The following NCKAP5 variants were observed in gnomAD, a reference collection of about 807,000 sequenced individuals.
NCKAP5 encodes the protein NCK associated protein 5.
In NCKAP5, 92 loss-of-function variants were observed where a neutral mutation model predicts 167.0. The ratio of observed to expected loss-of-function variants is 0.55; its 90% CI spans 0.47 to 0.66. NCKAP5 has a LOEUF of 0.66. Among genes scored for constraint, NCKAP5 ranks in the 30% least tolerant of loss-of-function variants. NCKAP5 has a pLI of 0.00. For missense variants in NCKAP5, 2,378 were observed against 2,315.0 expected, an observed-to-expected ratio of 1.03 and a Z score of -0.56; for synonymous variants, 891 against 877.4, an observed-to-expected ratio of 1.02 and a Z score of -0.27.
At chr2:132,911,131 T>C in intron 8 of NCKAP5, 1 of 217,490 alleles carries the variant, frequency 4.6e-6, no homozygotes. Context: ...TCCTTCCACC[T>C]GTCTCATGAT....
chr2:132,998,394 G>A (rs2077671378), intron 6 of NCKAP5, among the ~76,000 whole-genome samples: 1 of 152,088 alleles, frequency 6.6e-6, no homozygotes, highest in African/African-American at 2.4e-5. Context: ...TTAGTAATAT[G>A]GTAAACACTC....
intron 16 of NCKAP5, among the ~76,000 whole-genome samples, chr2:132,771,256 G>A (rs181279258): frequency 7.2e-5 from 11 of 152,024 alleles, no homozygotes; most frequent in East Asian, 1.9e-4. Context: ...CTGACCCTGC[G>A]GAGGCCTAGC....
At chr2:132,881,984 C>T (rs1267603832) in intron 8 of NCKAP5, among the ~76,000 whole-genome samples, 2 of 152,146 alleles carry the variant, frequency 1.3e-5, no homozygotes, top group African/African-American at 4.8e-5. Context: ...TATGAGTTGA[C>T]ATTCTTCCAT....
intron 2 of NCKAP5, among the ~76,000 whole-genome samples, chr2:133,538,931 G>GTTTTTTTTTTT (rs71412735): frequency 9.2e-6 from 1 of 108,586 alleles, no homozygotes. Flanking sequence ...GTTTTTTTGG[G>GTTTTTTTTTTT]TTTTTTTTTT....
intron 15 of NCKAP5, among the ~76,000 whole-genome samples, chr2:132,775,123 C>T (rs1221281820): frequency 6.6e-6 from 1 of 152,174 alleles, no homozygotes; most frequent in Non-Finnish European, 1.5e-5. Flanking sequence ...GGGTGTCCCG[C>T]TTAGGCACGT....
At chr2:132,737,231 C>A (rs1049250835) in intron 16 of NCKAP5, among the ~76,000 whole-genome samples, 2 of 152,206 alleles carry the variant, frequency 1.3e-5, no homozygotes, top group Non-Finnish European at 2.9e-5. Flanking sequence ...GAGCAGTCTA[C>A]AGCAGAATGG....
At chr2:133,127,493 A>G (rs13422925) in intron 6 of NCKAP5, among the ~76,000 whole-genome samples, 9,781 of 152,290 alleles carry the variant, frequency 0.064, 400 homozygotes, top group East Asian at 0.18. Flanking sequence ...TACTTATTGT[A>G]CACATAATTA....
At chr2:132,843,335 C>T (rs1176281476) in intron 11 of NCKAP5, among the ~76,000 whole-genome samples, 7 of 151,906 alleles carry the variant, frequency 4.6e-5, no homozygotes, top group African/African-American at 1.2e-4. Flanking sequence ...TTAAGTTCAC[C>T]TTACATTTAA....
At chr2:133,605,406 C>G in the NCKAP5 span, among the ~76,000 whole-genome samples, 2 of 152,076 alleles carry the variant, frequency 1.3e-5, no homozygotes. Context: ...TTCTGACAAC[C>G]GAGGCTGTGG....
intron 4 of NCKAP5, among the ~76,000 whole-genome samples, chr2:133,263,257 C>A (rs1427317584): frequency 6.7e-6 from 1 of 149,548 alleles, no homozygotes; most frequent in Non-Finnish European, 1.5e-5. Flanking sequence ...TACAGAGTCA[C>A]AGGCTTGAGT....
At chr2:133,358,688 C>T (rs368492174) in intron 3 of NCKAP5, among the ~76,000 whole-genome samples, 3 of 152,252 alleles carry the variant, frequency 2.0e-5, no homozygotes, top group South Asian at 2.1e-4. Flanking sequence ...AAGTAACATT[C>T]TCTTTTCTTA....
Position 133,200,460 on chromosome 2 carries a change from C to CA in NCKAP5, c.207+13255dup, listed in dbSNP as rs1331404758. ...GGTTGGACCCATTCCTTAAGCCACA[C>CA]AAAAAAAATAATTCAAAAAAGACCA... On this transcript the variant is annotated intron_variant, in intron 5 of 19. Coordinates refer to ENST00000409261, the MANE Select transcript of NCKAP5 (RefSeq NM_207363.3). Among the ~76,000 whole-genome samples, 15 of 151,556 alleles carry CA rather than the reference C, an allele frequency of 9.9e-5. No individual in the cohort carries two copies. The East Asian group carries it at 1.9e-3, about 20-fold the overall frequency.
chr2:133,097,093 C>T (rs2081367005), intron 6 of NCKAP5, among the ~76,000 whole-genome samples: 1 of 152,160 alleles, frequency 6.6e-6, no homozygotes, highest in Non-Finnish European at 1.5e-5. Flanking sequence ...TAAGTTTGAA[C>T]TGACGGAACA....
At chr2:132,916,016 G>A (rs1465900729) in intron 8 of NCKAP5, among the ~76,000 whole-genome samples, 1 of 152,010 alleles carries the variant, frequency 6.6e-6, no homozygotes. Context: ...TACTTTCTCT[G>A]TATTTCACAG....
At chr2:132,852,109 T>C (rs1439046485) in intron 11 of NCKAP5, among the ~76,000 whole-genome samples, 1 of 152,192 alleles carries the variant, frequency 6.6e-6, no homozygotes, top group East Asian at 1.9e-4. Flanking sequence ...CAAATCCTTC[T>C]ATTTATCCAA....
intron 3 of NCKAP5, among the ~76,000 whole-genome samples, chr2:133,483,627 AG>A (rs35250511): frequency 0.18 from 25,790 of 140,702 alleles, 2,366 homozygotes; most frequent in African/African-American, 0.23. Flanking sequence ...GCAAAAAAAA[AG>A]GGGGGGGGGC....
chr2:132,756,194 A>G (rs185943712), intron 16 of NCKAP5, among the ~76,000 whole-genome samples: 61 of 152,318 alleles, frequency 4.0e-4, no homozygotes, highest in Non-Finnish European at 7.6e-4. Context: ...AACATTACCA[A>G]CAAGGTCTAA....
the NCKAP5 span, among the ~76,000 whole-genome samples, chr2:133,653,425 C>T: frequency 6.6e-6 from 1 of 152,196 alleles, no homozygotes; most frequent in Non-Finnish European, 1.5e-5. Flanking sequence ...ACAGAGAAGC[C>T]TAGTTTCCTT....
chr2:132,830,178 C>T (rs1056571946), intron 11 of NCKAP5, among the ~76,000 whole-genome samples: 1 of 152,162 alleles, frequency 6.6e-6, no homozygotes, highest in Non-Finnish European at 1.5e-5. Flanking sequence ...TTATTGAAAA[C>T]AAATCATTCT....
Sources: allele counts gnomAD v4.1 joint callset (sites outside exome capture counted in the v4.1 genomes callset), GRCh38; gene constraint gnomAD v4.1.1; transcripts MANE v1.5; gene names NCBI Gene and HGNC (gene_info 2026-07-23, HGNC 2026-07-21).